FAT3: variants seen among roughly 807,000 people sequenced by gnomAD.
FAT3 encodes the protein FAT atypical cadherin 3.
Under a neutral mutation model 310.2 loss-of-function variants are expected in FAT3, and 95 were observed. The observed-to-expected ratio is 0.31, with a 90% CI of 0.26 to 0.36. The LOEUF is 0.36. Among genes scored for constraint, FAT3 ranks in the 10% least tolerant of loss-of-function variants. The probability of loss-of-function intolerance (pLI) is 1.00; values close to 1 mark genes in which losing one functional copy is unlikely to be tolerated. For missense variants in FAT3, 5,408 were observed against 5,715.6 expected, an observed-to-expected ratio of 0.95 and a Z score of 1.74; for synonymous variants, 2,314 against 2,192.9, an observed-to-expected ratio of 1.06 and a Z score of -1.54.
intron 1 of FAT3, among the ~76,000 whole-genome samples, chr11:92,315,512 TAGAGAGAGAGAGAGAG>T (rs374021850): frequency 1.8e-5 from 1 of 56,170 alleles, no homozygotes; most frequent in African/African-American, 6.6e-5. Flanking sequence ...TATATATATA[TAGAGAGAGAGAGAGAG>T]AGAGAGAGAG....
chr11:92,708,956 A>G (rs1944440968), intron 4 of FAT3, among the ~76,000 whole-genome samples: 1 of 152,226 alleles, frequency 6.6e-6, no homozygotes, highest in African/African-American at 2.4e-5. Flanking sequence ...TTAGATCTCT[A>G]CTATTGGATC....
Position 92,844,337 on chromosome 11 carries a change from C to A in FAT3, c.10970C>A (p.Ser3657Tyr). The change falls in exon 19 of 28, where the codon TCC (serine) becomes TAC (tyrosine). Residue 3657 changes from serine to tyrosine, a missense_variant. Physicochemically the swap from Ser to Tyr is moderately radical, Grantham distance 144. Around this residue, in one of 5 missense-constraint regions of FAT3, gnomAD observed 4,588 missense variants for 4,809.8 expected, o/e 0.95. Transcript: ENST00000525166. Reference sequence around the variant, plus strand: ...GTCACCATCCGCTTTGAAAATGTGTCCCCTGAGGACTTCGTGGGGCTGCAC... The same window carrying A: ...GTCACCATCCGCTTTGAAAATGTGTACCCTGAGGACTTCGTGGGGCTGCAC... ...NTVTIRFENV[S>Y]PEDFVGLHMH... 1 of 1,613,946 alleles carries A rather than the reference C, an allele frequency of 6.2e-7. No individual in the cohort carries two copies. Among genetic ancestry groups the A allele is most frequent in the East Asian group, 2.2e-5 (1 of 44,878 alleles).
At chr11:92,598,215 C>CATATATATATATATATATATACATAT (rs148924628) in intron 3 of FAT3, among the ~76,000 whole-genome samples, 1 of 136,446 alleles carries the variant, frequency 7.3e-6, no homozygotes, top group Admixed American at 7.4e-5. Context: ...TATATGTATA[C>CATATATATATATATATATATACATAT]ATATATATAT....
chr11:92,344,440 C>T (rs1948356049), intron 1 of FAT3, among the ~76,000 whole-genome samples: 1 of 152,148 alleles, frequency 6.6e-6, no homozygotes, highest in African/African-American at 2.4e-5. Context: ...CCTGGTATTG[C>T]AGTATTTGTG....
chr11:92,507,067 G>A (rs978117147), intron 2 of FAT3, among the ~76,000 whole-genome samples: 5 of 152,142 alleles, frequency 3.3e-5, no homozygotes, highest in African/African-American at 1.2e-4. Context: ...CTGTTTTCTT[G>A]TCAAAGCTGG....
rs566812617 is a variant in FAT3 at position 92,225,601 on chromosome 11, A to G, written c.-18+427A>G. ...CTCTCGGGCGCAGTGGGGGATGTTC[A>G]GATGCCGATGGATGATGCACTTAGG... On this transcript the variant is annotated intron_variant, in intron 1 of 27. Transcript: ENST00000525166. Among the ~76,000 whole-genome samples the G allele has an allele frequency of 7.9e-5, 12 of 152,188 alleles. No individual in the cohort carries two copies. The South Asian group carries it at 2.3e-3, about 29-fold the overall frequency.
chr11:92,788,046 G>C, intron 7 of FAT3, among the ~76,000 whole-genome samples: 1 of 152,124 alleles, frequency 6.6e-6, no homozygotes, highest in East Asian at 1.9e-4. Flanking sequence ...GTAGCAATAA[G>C]TATTCCTAGC....
rs571345885 is a variant in FAT3 at position 92,371,014 on chromosome 11, C to T, written c.3292+15610C>T. 1.1e-4 allele frequency among the ~76,000 whole-genome samples: 17 copies of T among 152,304 alleles called. No homozygotes were observed. In the South Asian group the frequency reaches 2.9e-3, roughly 26 times the overall value. ...TCAGTCCCTACTTACTTTCACTTTG[C>T]ACACAATTCTAATAAGATGGATTTC... On this transcript the variant is annotated intron_variant, in intron 2 of 27. Transcript: ENST00000525166.
chr11:92,866,028 T>C lies in FAT3; in HGVS notation c.11659-713T>C, dbSNP rs139840182. ...CCCTGAGCACCTTGGAAGATAACCT[T>C]TACCTAAACCATGAGCATCATCCTA... On this transcript the variant is annotated intron_variant, in intron 21 of 27. Transcript: ENST00000525166. Among the ~76,000 whole-genome samples the C allele has an allele frequency of 6.3e-4, 96 of 152,284 alleles. 1 individual carries two copies. Among genetic ancestry groups the C allele is most frequent in the African/African-American group, 2.2e-3 (92 of 41,558 alleles).
At chr11:92,623,013 C>A (rs569855037) in intron 3 of FAT3, among the ~76,000 whole-genome samples, 1 of 152,262 alleles carries the variant, frequency 6.6e-6, no homozygotes, top group East Asian at 1.9e-4. Context: ...GGATTCAAGG[C>A]ACTTCCCATA....
chr11:92,831,526 G>A (rs1301741715), intron 13 of FAT3, 96 bp from the exon 14 acceptor site: 1 of 1,017,248 alleles, frequency 9.8e-7, no homozygotes, highest in East Asian at 2.6e-5. Flanking sequence ...TATTTTTCTT[G>A]TTGTGGCCCT....
chr11:92,310,356 CAT>C (rs1440693490), intron 1 of FAT3, among the ~76,000 whole-genome samples: 2 of 152,108 alleles, frequency 1.3e-5, no homozygotes, highest in African/African-American at 4.8e-5. Flanking sequence ...TGGGAATACA[CAT>C]GTTGATAAAT....
intron 3 of FAT3, among the ~76,000 whole-genome samples, chr11:92,563,070 G>T (rs745905565): frequency 5.9e-5 from 9 of 152,082 alleles, no homozygotes; most frequent in Non-Finnish European, 1.0e-4. Flanking sequence ...TGAATTTGGG[G>T]CCAAATTTAG....
chr11:92,525,059 C>T (rs1015222766), intron 3 of FAT3, 111 bp downstream of exon 3: 5 of 920,586 alleles, frequency 5.4e-6, no homozygotes, highest in Non-Finnish European at 8.1e-6. Flanking sequence ...TAGCATCTTC[C>T]TTTCTGAGAA....
chr11:92,610,643 G>T (rs1416837252), intron 3 of FAT3, among the ~76,000 whole-genome samples: 1 of 152,140 alleles, frequency 6.6e-6, no homozygotes, highest in Non-Finnish European at 1.5e-5. Context: ...TGGCATCTCA[G>T]ATCAGCTTGG....
At chr11:92,226,935 GTT>G (rs1206039310) in intron 1 of FAT3, among the ~76,000 whole-genome samples, 1 of 152,076 alleles carries the variant, frequency 6.6e-6, no homozygotes, top group Non-Finnish European at 1.5e-5. Context: ...ACTCTGGCGC[GTT>G]TGTTTTCCAA....
chr11:92,862,935 A>G (rs973857204), intron 21 of FAT3, among the ~76,000 whole-genome samples: 1 of 152,174 alleles, frequency 6.6e-6, no homozygotes, highest in African/African-American at 2.4e-5. Flanking sequence ...TTCTAGGCCT[A>G]TGAAAGAGGA....
intron 7 of FAT3, among the ~76,000 whole-genome samples, chr11:92,778,374 A>G (rs1178173793): frequency 6.6e-6 from 1 of 152,186 alleles, no homozygotes; most frequent in East Asian, 1.9e-4. Flanking sequence ...AACTGACACC[A>G]GAATTAGCAT....
chr11:92,645,490 GA>G lies in FAT3; in HGVS notation c.3608-51880del, dbSNP rs10655127. On this transcript the variant is annotated intron_variant, in intron 3 of 27. Transcript: ENST00000525166. ...AAGGCAAAGAAGACACTGCTTTTCAGAAAAAAAAAAAAAACAGGTAAACATC... is the reference window on the plus strand; with the variant it reads ...AAGGCAAAGAAGACACTGCTTTTCAGAAAAAAAAAAAAACAGGTAAACATC... 5.1e-3 allele frequency among the ~76,000 whole-genome samples: 712 copies of G among 140,714 alleles called. 3 individuals carry two copies. The highest frequency in any genetic ancestry group is 8.2e-3 in the Non-Finnish European group (527 of 64,446). The allele number at this position is 140,714 out of a possible 152,430, so 92.3% of individuals were successfully genotyped here. A position where few individuals can be genotyped will look rare whatever the true frequency, so the allele number is the denominator to read the frequency against.
Sources: gnomAD v4.1 joint callset for allele counts (sites outside exome capture counted in the v4.1 genomes callset) on GRCh38, gnomAD v4.1.1 for gene constraint, gnomAD v4.1.1 regional missense constraint, MANE v1.5 for transcripts, NCBI Gene and HGNC (gene_info 2026-07-23, HGNC 2026-07-21) for gene names.